Variants in TNFRSF21 observed in about 807,000 individuals in gnomAD.
TNFRSF21 encodes tumor necrosis factor receptor superfamily member 21.
TNFRSF21 carries 19 observed loss-of-function variants against 45.6 expected under a neutral mutation model. The ratio of observed to expected loss-of-function variants is 0.42; its 90% CI spans 0.29 to 0.61. The LOEUF (loss-of-function observed/expected upper bound fraction) is 0.61. TNFRSF21 is among the 20% of genes least tolerant of loss of function. The pLI is 0.23. For synonymous variants in TNFRSF21, 314 were observed against 335.5 expected (o/e 0.94, Z 0.70); for missense variants, 737 against 851.5 (o/e 0.87, Z 1.67).
In TNFRSF21 at chr6:47,240,949, TTACAAC is replaced by T. The variant is rs1369287437; in HGVS notation, c.1510-6057_1510-6052del. Among the ~76,000 whole-genome samples the T allele has an allele frequency of 2.6e-5, 4 of 152,310 alleles. No homozygotes were observed. In the East Asian group the frequency reaches 5.8e-4, roughly 22 times the overall value. On this transcript the variant is annotated intron_variant, in intron 4 of 5. Coordinates refer to ENST00000296861, the MANE Select transcript of TNFRSF21 (RefSeq NM_014452.5). ...ATTCTAGTCGCGAATAAATATAAAA[TTACAAC>T]TATTTAAGAATTATGATATTATCTC...
At chr6:47,307,073 G>C (rs1489193982) in intron 1 of TNFRSF21, among the ~76,000 whole-genome samples, 1 of 152,172 alleles carries the variant, frequency 6.6e-6, no homozygotes, top group Non-Finnish European at 1.5e-5. Context: ...GAATGTGAAA[G>C]ACAAAAGGCA....
chr6:47,287,077 G>A (rs1470537595), intron 1 of TNFRSF21, among the ~76,000 whole-genome samples: 2 of 151,912 alleles, frequency 1.3e-5, no homozygotes, highest in Non-Finnish European at 2.9e-5. Flanking sequence ...AGAGGCTAAG[G>A]CACGCAGATC....
At chr6:47,290,248 C>G (rs573400223) in intron 1 of TNFRSF21, among the ~76,000 whole-genome samples, 2 of 152,186 alleles carry the variant, frequency 1.3e-5, no homozygotes, top group East Asian at 3.9e-4. Flanking sequence ...GAGCGGTGGT[C>G]GGCGATGAAT....
In TNFRSF21 at chr6:47,273,731, T is replaced by G. The variant is rs764260238; in HGVS notation, c.1243+10207A>C. On this transcript the variant is annotated intron_variant, in intron 3 of 5. Coordinates refer to ENST00000296861, the MANE Select transcript of TNFRSF21 (RefSeq NM_014452.5). Reference sequence around the variant, plus strand: ...ATGAGGAAGTCAAATTGTCCCTGTTTGCAGATGACATGACCATATATTTAG... The same window carrying G: ...ATGAGGAAGTCAAATTGTCCCTGTTGGCAGATGACATGACCATATATTTAG... 3.9e-5 allele frequency among the ~76,000 whole-genome samples: 6 copies of G among 152,190 alleles called. No homozygotes were observed. The South Asian group carries it at 8.3e-4, about 21-fold the overall frequency.
chr6:47,284,320 G>T lies in TNFRSF21; in HGVS notation c.861C>A (p.Asp287Glu). Reference protein sequence around the residue: ...DNTSSARGKEDVNKTLPNLQV... With the variant: ...DNTSSARGKEEVNKTLPNLQV... Reference sequence around the variant, plus strand: ...GAAGGTTTGGGAGGGTCTTGTTCACGTCTTCCTTCCCCCTTGCTGAGCTTG... The same window carrying T: ...GAAGGTTTGGGAGGGTCTTGTTCACTTCTTCCTTCCCCCTTGCTGAGCTTG... Residue 287 changes from aspartate to glutamate, a missense_variant, in exon 3 of 6, where the codon GAC becomes GAA. Coordinates refer to ENST00000296861, the MANE Select transcript of TNFRSF21 (RefSeq NM_014452.5). 3 of 1,601,306 alleles carry T rather than the reference G, an allele frequency of 1.9e-6. No homozygotes were observed.
At position 47,286,020 on chromosome 6, in the gene TNFRSF21, G is replaced by A; in HGVS notation, c.672C>T (p.Ser224=). ...GGCGTGGAAAGATGGCTGTGCCAGGGGAAGGTGAGGTGGAGCTGGAGAAGG... is the reference window on the plus strand; with the variant it reads ...GGCGTGGAAAGATGGCTGTGCCAGGAGAAGGTGAGGTGGAGCTGGAGAAGG... The part of the protein sequence containing the change: ...LPSFSSSTSP[S]PGTAIFPRPE... The change falls in exon 2 of 6, where the codon TCC becomes TCT. Residue 224 remains serine, a synonymous_variant. Coordinates refer to ENST00000296861, the MANE Select transcript of TNFRSF21 (RefSeq NM_014452.5). The A allele has an allele frequency of 6.2e-7, 1 of 1,614,220 alleles. No homozygotes were observed. The highest frequency in any genetic ancestry group is 8.5e-7 in the Non-Finnish European group (1 of 1,180,038).
At chr6:47,307,507 T>C (rs1255129583) in intron 1 of TNFRSF21, among the ~76,000 whole-genome samples, 1 of 151,982 alleles carries the variant, frequency 6.6e-6, no homozygotes, top group Non-Finnish European at 1.5e-5. Flanking sequence ...GCCTCCTGAG[T>C]TGCTGGGCAT....
intron 1 of TNFRSF21, among the ~76,000 whole-genome samples, chr6:47,292,795 A>G (rs1027546786): frequency 6.6e-6 from 1 of 152,246 alleles, no homozygotes. Context: ...ACATCTTTCC[A>G]GACCCTTTTC....
intron 4 of TNFRSF21, among the ~76,000 whole-genome samples, chr6:47,235,104 G>A (rs888622675): frequency 6.6e-6 from 1 of 152,082 alleles, no homozygotes; most frequent in African/African-American, 2.4e-5. Flanking sequence ...ATATGCATGA[G>A]TACTAAAAAC....
chr6:47,258,363 G>A (rs1366601400), intron 3 of TNFRSF21, among the ~76,000 whole-genome samples: 1 of 147,762 alleles, frequency 6.8e-6, no homozygotes, highest in African/African-American at 2.5e-5. Flanking sequence ...GAGTAAAACT[G>A]TCTCAAAAAA....
In TNFRSF21 at chr6:47,286,254, G is replaced by A. The variant is rs1252624573; in HGVS notation, c.438C>T (p.Pro146=). 1.2e-6 allele frequency: 2 copies of A among 1,614,212 alleles called. No homozygotes were observed. Among genetic ancestry groups the A allele is most frequent in the South Asian group, 1.1e-5 (1 of 91,080 alleles). Residue 146 remains proline (P), a synonymous_variant, in exon 2 of 6, where the codon CCC becomes CCT. Coordinates refer to ENST00000296861, the MANE Select transcript of TNFRSF21 (RefSeq NM_014452.5). The part of the protein sequence containing the change: ...GMFQSNATCA[P]HTVCPVGWGV... ...CCCAACCCACAGGACACACCGTATG[G>A]GGGGCACAGGTAGCGTTAGACTGGA...
chr6:47,273,943 A>C (rs1263973062), intron 3 of TNFRSF21, among the ~76,000 whole-genome samples: 1 of 152,306 alleles, frequency 6.6e-6, no homozygotes, highest in East Asian at 1.9e-4. Context: ...GATGTGAGGG[A>C]CCTCTTCAAG....
chr6:47,292,519 C>T (rs534283477), intron 1 of TNFRSF21, among the ~76,000 whole-genome samples: 22 of 152,316 alleles, frequency 1.4e-4, no homozygotes, highest in African/African-American at 4.6e-4. Context: ...AAGTTTTGGA[C>T]ACCCTGAACT....
At chr6:47,303,689 T>C (rs1762902807) in intron 1 of TNFRSF21, among the ~76,000 whole-genome samples, 1 of 152,252 alleles carries the variant, frequency 6.6e-6, no homozygotes, top group Non-Finnish European at 1.5e-5. Context: ...TCCTGGGTTA[T>C]AACCTCTACC....
rs1314122886 is a variant in TNFRSF21 at position 47,286,587 on chromosome 6, G to A, written c.105C>T (p.Phe35=). 5 of 1,598,078 alleles carry A rather than the reference G, an allele frequency of 3.1e-6. No homozygotes were observed. The highest frequency in any genetic ancestry group is 4.3e-6 in the Non-Finnish European group (5 of 1,168,166). Residue 35 remains phenylalanine (F), a synonymous_variant, in exon 2 of 6, where the codon TTC becomes TTT. Coordinates refer to ENST00000296861, the MANE Select transcript of TNFRSF21 (RefSeq NM_014452.5). The part of the protein sequence containing the change: ...MIAGSLLLLG[F]LSTTTAQPEQ... ...CTGGCTGAGCTGTGGTGGTGCTAAG[G>A]AATCCAAGCTGAAAGAAACAGAAGG...
At chr6:47,263,555 G>C (rs999371190) in intron 3 of TNFRSF21, among the ~76,000 whole-genome samples, 2 of 152,162 alleles carry the variant, frequency 1.3e-5, no homozygotes, top group African/African-American at 2.4e-5. Flanking sequence ...CCAAGATGGA[G>C]GAGGAAAACC....
At chr6:47,270,685 G>A (rs557650067) in intron 3 of TNFRSF21, among the ~76,000 whole-genome samples, 2 of 152,294 alleles carry the variant, frequency 1.3e-5, no homozygotes, top group South Asian at 2.1e-4. Context: ...GACAGAAGTA[G>A]GCTTCAGAAG....
At position 47,289,256 on chromosome 6, in the gene TNFRSF21, C is replaced by T. The variant is rs138237242; in HGVS notation, c.97-2661G>A. On this transcript the variant is annotated intron_variant, in intron 1 of 5. Coordinates refer to ENST00000296861, the MANE Select transcript of TNFRSF21 (RefSeq NM_014452.5). ...GAGAATAAATCAAGAATTTTTTTCACAGTGATCAGAGTTTCTGTCTTTTTA... is the reference window on the plus strand; with the variant it reads ...GAGAATAAATCAAGAATTTTTTTCATAGTGATCAGAGTTTCTGTCTTTTTA... Among the ~76,000 whole-genome samples the T allele has an allele frequency of 4.1e-3, 624 of 152,250 alleles. 6 individuals are homozygous for T. Among genetic ancestry groups the T allele is most frequent in the African/African-American group, 0.014 (563 of 41,546 alleles).
chr6:47,281,012 C>G (rs1295230305), intron 3 of TNFRSF21, among the ~76,000 whole-genome samples: 1 of 152,138 alleles, frequency 6.6e-6, no homozygotes, highest in Non-Finnish European at 1.5e-5. Context: ...TGACTAGGCA[C>G]TTACAGGGCA....
Sources: allele counts gnomAD v4.1 joint callset (sites outside exome capture counted in the v4.1 genomes callset), GRCh38; gene constraint gnomAD v4.1.1; transcripts MANE v1.5; gene names NCBI Gene and HGNC (gene_info 2026-07-23, HGNC 2026-07-21).